Variants in FMN1 observed in about 807,000 individuals in gnomAD.
FMN1 encodes formin-1.
A neutral mutation model predicts 132.4 loss-of-function variants in FMN1; 110 were observed. The observed-to-expected ratio is 0.83, with a 90% CI of 0.71 to 0.97. The LOEUF is 0.97. Among genes scored for constraint, FMN1 ranks in the 50% least tolerant of loss-of-function variants. The probability of loss-of-function intolerance (pLI) is 0.00; values close to 1 mark genes in which losing one functional copy is unlikely to be tolerated. For missense variants in FMN1, 1,792 were observed against 1,705.3 expected, an observed-to-expected ratio of 1.05 and a Z score of -0.90; for synonymous variants, 722 against 651.7, an observed-to-expected ratio of 1.11 and a Z score of -1.64.
At chr15:32,872,502 A>G (rs1333802073) in intron 16 of FMN1, among the ~76,000 whole-genome samples, 2 of 152,242 alleles carry the variant, frequency 1.3e-5, no homozygotes, top group East Asian at 3.8e-4. Context: ...TAAATACTAA[A>G]TATGTCCTCT....
intron 17 of FMN1, among the ~76,000 whole-genome samples, chr15:32,828,484 T>C (rs777599758): frequency 6.6e-6 from 1 of 151,638 alleles, no homozygotes; most frequent in African/African-American, 2.4e-5. Flanking sequence ...TGTGATTTTG[T>C]AATTCTTTAT....
chr15:33,085,260 C>T (rs573511154), intron 5 of FMN1, among the ~76,000 whole-genome samples: 1 of 152,098 alleles, frequency 6.6e-6, no homozygotes, highest in East Asian at 1.9e-4. Context: ...CACATTTGTT[C>T]TAAATAAGTA....
chr15:32,838,192 A>G (rs769140500), intron 17 of FMN1, among the ~76,000 whole-genome samples: 2 of 151,988 alleles, frequency 1.3e-5, no homozygotes, highest in Non-Finnish European at 2.9e-5. Flanking sequence ...GGGGTGGAGG[A>G]GATGCTGAGA....
chr15:32,893,734 T>C (rs896838189), intron 15 of FMN1, among the ~76,000 whole-genome samples: 1 of 152,258 alleles, frequency 6.6e-6, no homozygotes, highest in Non-Finnish European at 1.5e-5. Flanking sequence ...TGGGCTTATT[T>C]TTCCTAGACT....
At chr15:32,906,238 C>G (rs775606519) in intron 12 of FMN1, among the ~76,000 whole-genome samples, 28 of 152,234 alleles carry the variant, frequency 1.8e-4, no homozygotes, top group Admixed American at 1.1e-3. Context: ...CAAATTGCAG[C>G]CCACAGGCCA....
intron 5 of FMN1, among the ~76,000 whole-genome samples, chr15:33,070,322 C>T (rs1016881944): frequency 6.6e-6 from 1 of 150,892 alleles, no homozygotes; most frequent in Non-Finnish European, 1.5e-5. Context: ...AGTCTTCTTA[C>T]GAGCAATGCA....
intron 3 of FMN1, among the ~76,000 whole-genome samples, chr15:33,176,141 G>A (rs1965504764): frequency 6.6e-6 from 1 of 151,952 alleles, no homozygotes; most frequent in African/African-American, 2.4e-5. Context: ...TTGGGAGGCC[G>A]AGGAGGGTGG....
chr15:33,096,107 T>G (rs998384978), intron 4 of FMN1, among the ~76,000 whole-genome samples: 1 of 152,000 alleles, frequency 6.6e-6, no homozygotes, highest in Non-Finnish European at 1.5e-5. Flanking sequence ...TGCAACATAG[T>G]GAGAATGAAA....
rs143489083 is a variant in FMN1, at chr15:32,999,669, A to C, written c.2223+8345T>G. Among the ~76,000 whole-genome samples the C allele has an allele frequency of 7.8e-3, 1,182 of 152,300 alleles. 14 individuals carry two copies. The highest frequency in any genetic ancestry group is 0.027 in the African/African-American group (1,128 of 41,568). Reference sequence around the variant, plus strand: ...GTGATAAATGGGGTAAACGAAAAAGATTCCCGTAAAGGAAATGTCACTATT... The same window carrying C: ...GTGATAAATGGGGTAAACGAAAAAGCTTCCCGTAAAGGAAATGTCACTATT... On this transcript the variant is annotated intron_variant, in intron 7 of 20. Coordinates refer to ENST00000616417, the MANE Select transcript of FMN1 (RefSeq NM_001277313.2).
At chr15:32,977,256 G>A (rs80009344) in intron 7 of FMN1, among the ~76,000 whole-genome samples, 2,080 of 152,234 alleles carry the variant, frequency 0.014, 43 homozygotes, top group African/African-American at 0.048. Flanking sequence ...TCGCCAATAA[G>A]AGATAGACTA....
chr15:32,814,854 T>C (rs2058002492), intron 17 of FMN1, among the ~76,000 whole-genome samples: 1 of 152,206 alleles, frequency 6.6e-6, no homozygotes, highest in South Asian at 2.1e-4. Flanking sequence ...TGTTGCTTTA[T>C]TAATTGGTGA....
chr15:32,951,112 C>T (rs2061642534), intron 9 of FMN1, among the ~76,000 whole-genome samples: 1 of 151,992 alleles, frequency 6.6e-6, no homozygotes, highest in Admixed American at 6.6e-5. Flanking sequence ...CCTAAAATAA[C>T]TTCATATTTT....
chr15:33,048,638 A>AAAAAAAAAC (rs1555388915), intron 6 of FMN1, among the ~76,000 whole-genome samples: 1 of 21,492 alleles, frequency 4.7e-5, no homozygotes, highest in East Asian at 4.9e-4. Context: ...TACCAAAAAA[A>AAAAAAAAAC]AAAAAAAAAA....
At chr15:33,182,430 C>T (rs964732353) in intron 2 of FMN1, among the ~76,000 whole-genome samples, 5 of 152,228 alleles carry the variant, frequency 3.3e-5, no homozygotes, top group African/African-American at 1.2e-4. Flanking sequence ...CCCCTGGCCT[C>T]CTTGACTAAT....
intron 4 of FMN1, among the ~76,000 whole-genome samples, chr15:33,099,644 C>A (rs1265234036): frequency 6.6e-6 from 1 of 152,152 alleles, no homozygotes; most frequent in Admixed American, 6.5e-5. Flanking sequence ...ATTTGTAAAT[C>A]AATAAATGCA....
chr15:32,863,018 G>A (rs901279345), intron 16 of FMN1, among the ~76,000 whole-genome samples: 8 of 152,018 alleles, frequency 5.3e-5, no homozygotes, highest in East Asian at 2.0e-4. Context: ...AGCAACATAT[G>A]GAATTTTTTT....
chr15:32,896,618 C>A (rs1199682315), intron 15 of FMN1, among the ~76,000 whole-genome samples: 3 of 151,812 alleles, frequency 2.0e-5, no homozygotes, highest in African/African-American at 7.3e-5. Flanking sequence ...CTGTTCCTTT[C>A]AGTTTGACTA....
intron 3 of FMN1, among the ~76,000 whole-genome samples, chr15:33,172,760 C>CT (rs2140324272): frequency 6.6e-6 from 1 of 152,200 alleles, no homozygotes; most frequent in East Asian, 1.9e-4. Context: ...CAATAGTCCT[C>CT]TAAGTATAGC....
chr15:32,959,509 G>A (rs1359124221), intron 9 of FMN1, among the ~76,000 whole-genome samples: 1 of 152,178 alleles, frequency 6.6e-6, no homozygotes, highest in South Asian at 2.1e-4. Context: ...ACTCTAAGCT[G>A]CATATTACCA....
Sources: gnomAD v4.1 joint callset for allele counts (sites outside exome capture counted in the v4.1 genomes callset) on GRCh38, gnomAD v4.1.1 for gene constraint, MANE v1.5 for transcripts, NCBI Gene and HGNC (gene_info 2026-07-23, HGNC 2026-07-21) for gene names.